TACR1: variants seen among roughly 807,000 people sequenced by gnomAD.
TACR1 encodes substance-P receptor.
In TACR1, 25 loss-of-function variants were observed where a neutral mutation model predicts 35.8. The ratio of observed to expected loss-of-function variants is 0.70; its 90% CI spans 0.51 to 0.98. The LOEUF is 0.98. TACR1 is among the 50% of genes least tolerant of loss of function. The probability of loss-of-function intolerance (pLI) is 0.00; values close to 1 mark genes in which losing one functional copy is unlikely to be tolerated. For synonymous variants in TACR1, 195 were observed against 206.7 expected, an observed-to-expected ratio of 0.94 and a Z score of 0.48; for missense variants, 478 against 522.9, an observed-to-expected ratio of 0.91 and a Z score of 0.84.
intron 1 of TACR1, among the ~76,000 whole-genome samples, chr2:75,133,488 A>G (rs1489788421): frequency 6.6e-6 from 1 of 152,172 alleles, no homozygotes; most frequent in Non-Finnish European, 1.5e-5. Context: ...AATTCATTTC[A>G]TCTTTCACTA....
chr2:75,060,254 G>A (rs1672645670), intron 2 of TACR1, among the ~76,000 whole-genome samples: 1 of 152,174 alleles, frequency 6.6e-6, no homozygotes, highest in Non-Finnish European at 1.5e-5. Context: ...GGAGAGGCAC[G>A]AGTGAGCCTT....
intron 1 of TACR1, among the ~76,000 whole-genome samples, chr2:75,178,469 G>A (rs905988864): frequency 1.4e-4 from 22 of 151,918 alleles, no homozygotes; most frequent in African/African-American, 5.3e-4. Context: ...ACAGGCGTGA[G>A]CCACTGCACC....
At chr2:75,064,243 G>A (rs1415037767) in intron 2 of TACR1, among the ~76,000 whole-genome samples, 1 of 152,226 alleles carries the variant, frequency 6.6e-6, no homozygotes, top group Non-Finnish European at 1.5e-5. Flanking sequence ...TGCTTAGGGA[G>A]AGGAGGCAGG....
chr2:75,054,065 T>C (rs1672524268), intron 2 of TACR1, among the ~76,000 whole-genome samples: 1 of 152,146 alleles, frequency 6.6e-6, no homozygotes, highest in African/African-American at 2.4e-5. Flanking sequence ...TGTATACCCA[T>C]AGCGATTTCA....
chr2:75,049,866 G>A (rs1672434536), intron 4 of TACR1, 143 bp from the exon 5 acceptor site: 2 of 1,039,292 alleles, frequency 1.9e-6, no homozygotes, highest in Non-Finnish European at 2.7e-6. Context: ...AGCTGGAGAT[G>A]CTGAGGCCAA....
At chr2:75,062,567 G>A (rs969715265) in intron 2 of TACR1, among the ~76,000 whole-genome samples, 8 of 152,010 alleles carry the variant, frequency 5.3e-5, no homozygotes, top group Admixed American at 1.3e-4. Context: ...TCTTCTATTC[G>A]GGACATTTGA....
chr2:75,196,784 G>C (rs987211567), intron 1 of TACR1, among the ~76,000 whole-genome samples: 1 of 152,154 alleles, frequency 6.6e-6, no homozygotes, highest in African/African-American at 2.4e-5. Flanking sequence ...CACACTGACT[G>C]ACAGGTCTTC....
chr2:75,068,196 A>C (rs1163601394), intron 2 of TACR1, among the ~76,000 whole-genome samples: 1 of 145,576 alleles, frequency 6.9e-6, no homozygotes, highest in African/African-American at 2.7e-5. Flanking sequence ...TTTGCAAGGC[A>C]GGCTGGTAGG....
At position 75,049,868 on chromosome 2, in the gene TACR1, T is replaced by A. The variant is rs1324636559; in HGVS notation, c.933-145A>T. The A allele has an allele frequency of 9.6e-6, 10 of 1,037,638 alleles. No homozygotes were observed. In the African/African-American group the frequency reaches 1.6e-4, roughly 17 times the overall value. 64.3% of individuals were successfully genotyped at this position (1,037,638 alleles called of 1,614,324 possible). On this transcript the variant is annotated intron_variant, in intron 4 of 4. Transcript: ENST00000305249. ...AAAATTCAATGACAGCTGGAGATGCTGAGGCCAAAAAGGCTTAAGGGTCAG... is the reference window on the plus strand; with the variant it reads ...AAAATTCAATGACAGCTGGAGATGCAGAGGCCAAAAAGGCTTAAGGGTCAG...
chr2:75,172,626 G>A (rs893211209), intron 1 of TACR1, among the ~76,000 whole-genome samples: 1 of 152,070 alleles, frequency 6.6e-6, no homozygotes, highest in Non-Finnish European at 1.5e-5. Flanking sequence ...AGGCTCTTAA[G>A]TGGGAAAGAG....
At chr2:75,198,492 A>G (rs1676047107) in intron 1 of TACR1, 54 bp downstream of exon 1, 1 of 1,583,676 alleles carries the variant, frequency 6.3e-7, no homozygotes, top group Non-Finnish European at 8.6e-7. Context: ...CCTCACAGCA[A>G]TGCCGTGGTC....
chr2:75,063,880 A>G lies in TACR1; in HGVS notation c.585-10125T>C, dbSNP rs138420537. On this transcript the variant is annotated intron_variant, in intron 2 of 4. Transcript: ENST00000305249. ...TTTTACTTAGTTTTTAAAATAAAAT[A>G]TCTTCAGACCTGCACATTTCTTACG... Among the ~76,000 whole-genome samples the G allele has an allele frequency of 2.0e-4, 31 of 152,348 alleles. No homozygotes were observed. The East Asian group carries it at 5.6e-3, about 27-fold the overall frequency.
At chr2:75,115,906 CAAAAAA>C (rs1158476632) in intron 2 of TACR1, among the ~76,000 whole-genome samples, 1 of 54,466 alleles carries the variant, frequency 1.8e-5, no homozygotes, top group Non-Finnish European at 3.0e-5. Flanking sequence ...GACTCCGTCT[CAAAAAA>C]AAAAAAAAAA....
intron 1 of TACR1, among the ~76,000 whole-genome samples, chr2:75,176,509 C>A (rs988249325): frequency 2.6e-5 from 4 of 152,060 alleles, no homozygotes; most frequent in Non-Finnish European, 5.9e-5. Flanking sequence ...GCTCATCAAG[C>A]AATTCCCTCA....
chr2:75,151,278 C>A (rs1371338919), intron 1 of TACR1, among the ~76,000 whole-genome samples: 5 of 152,210 alleles, frequency 3.3e-5, no homozygotes, highest in Admixed American at 2.0e-4. Context: ...ATGTCAGAGA[C>A]CTTCATGGCA....
intron 2 of TACR1, among the ~76,000 whole-genome samples, chr2:75,069,700 G>C (rs1474532686): frequency 6.6e-6 from 1 of 152,120 alleles, no homozygotes; most frequent in African/African-American, 2.4e-5. Flanking sequence ...GAGGAGTATT[G>C]GTCAGATATT....
At position 75,048,583 on chromosome 2, in the gene TACR1, T is replaced by A. The variant is rs1672402903; in HGVS notation, c.*849A>T. On this transcript the variant is annotated 3_prime_UTR_variant, in exon 5 of 5. Coordinates refer to ENST00000305249, the MANE Select transcript of TACR1 (RefSeq NM_001058.4). ...TTCTATTCTTTTATTCTTCGTTTTG[T>A]TTTTTTTTGTAAAACAAACAAAAAA... is the stretch of plus-strand genomic sequence containing the variant. 1 of 149,912 alleles carries A rather than the reference T, an allele frequency of 6.7e-6. No individual in the cohort carries two copies. Among genetic ancestry groups the A allele is most frequent in the Non-Finnish European group, 1.5e-5 (1 of 67,756 alleles). The allele number at this position is 149,912 out of a possible 1,614,324, so 9.3% of individuals were successfully genotyped here. A position where few individuals can be genotyped will look rare whatever the true frequency, so the allele number is the denominator to read the frequency against.
chr2:75,175,125 CTAGAT>C (rs1295205387), intron 1 of TACR1, among the ~76,000 whole-genome samples: 3 of 152,194 alleles, frequency 2.0e-5, no homozygotes, highest in Non-Finnish European at 4.4e-5. Context: ...CCCTTTGCTT[CTAGAT>C]GGTGAGTACT....
intron 2 of TACR1, among the ~76,000 whole-genome samples, chr2:75,075,179 C>T (rs17564182): frequency 1.3e-5 from 2 of 152,132 alleles, no homozygotes; most frequent in Non-Finnish European, 2.9e-5. Flanking sequence ...GCTTAACTGT[C>T]TCTTTCCTCA....
Sources: gnomAD v4.1 joint callset for allele counts (sites outside exome capture counted in the v4.1 genomes callset) on GRCh38, gnomAD v4.1.1 for gene constraint, MANE v1.5 for transcripts, NCBI Gene and HGNC (gene_info 2026-07-23, HGNC 2026-07-21) for gene names.